The following MUC12 variants were observed in gnomAD, a reference collection of about 807,000 sequenced individuals.
The protein encoded by MUC12 is mucin-12.
In MUC12, 172 loss-of-function variants were observed where a neutral mutation model predicts 230.8. The observed-to-expected ratio is 0.75, with a 90% confidence interval of 0.66 to 0.85. The LOEUF (loss-of-function observed/expected upper bound fraction) is 0.85. Ranked by LOEUF, MUC12 falls within the 40% of genes least tolerant of loss-of-function variation. The pLI is 0.00. For missense variants in MUC12, 3,506 were observed against 5,920.6 expected (o/e 0.59, Z 13.38); for synonymous variants, 1,259 against 2,401.9 (o/e 0.52, Z 13.91).
In MUC12 at chr7:101,014,085, G is replaced by A. The variant is rs143066720; in HGVS notation, c.15800+11G>A. 1 of 1,526,362 alleles carries A rather than the reference G, an allele frequency of 6.6e-7. No individual in the cohort carries two copies. The highest frequency in any genetic ancestry group is 8.8e-7 in the Non-Finnish European group (1 of 1,140,698). 94.6% of individuals were successfully genotyped at this position (1,526,362 alleles called of 1,614,324 possible). A position where few individuals can be genotyped will look rare whatever the true frequency, so the allele number is the denominator to read the frequency against. ...GAGAAAACGGCACAGGTGAGCTTGTGAGGCCAGCACCGCAGGCCCACACAG... is the reference window on the plus strand; with the variant it reads ...GAGAAAACGGCACAGGTGAGCTTGTAAGGCCAGCACCGCAGGCCCACACAG... On this transcript the variant is annotated intron_variant, in intron 9 of 11. Transcript: ENST00000536621.
At chr7:100,989,603 AG>A (rs1793246616) in intron 1 of MUC12, among the ~76,000 whole-genome samples, 1 of 152,174 alleles carries the variant, frequency 6.6e-6, no homozygotes, top group Non-Finnish European at 1.5e-5. Flanking sequence ...TAGGGTGGAA[AG>A]AGCAGGCAAT....
intron 1 of MUC12, among the ~76,000 whole-genome samples, chr7:100,979,741 G>T (rs1027856491): frequency 6.6e-6 from 1 of 151,850 alleles, no homozygotes; most frequent in Non-Finnish European, 1.5e-5. Context: ...ACGCCACTGC[G>T]CTCCAGCCTG....
chr7:101,008,326 T>G (rs1387942770), intron 3 of MUC12, among the ~76,000 whole-genome samples: 1 of 151,812 alleles, frequency 6.6e-6, no homozygotes, highest in Non-Finnish European at 1.5e-5. Flanking sequence ...GGGTCTCACT[T>G]TGTTGCCCAG....
At chr7:100,969,731 G>A in intron 1 of MUC12, 42 bp downstream of exon 1, 2 of 1,537,234 alleles carry the variant, frequency 1.3e-6, no homozygotes, top group Non-Finnish European at 1.7e-6. Flanking sequence ...AGTGCTCCTG[G>A]GTGGTAATAG....
At chr7:101,005,727 C>T (rs1240113635) in intron 2 of MUC12, among the ~76,000 whole-genome samples, 1 of 152,248 alleles carries the variant, frequency 6.6e-6, no homozygotes, top group African/African-American at 2.4e-5. Flanking sequence ...ACAATCTCTC[C>T]TTCCTCTATG....
intron 1 of MUC12, among the ~76,000 whole-genome samples, chr7:100,990,187 C>A (rs973837471): frequency 6.6e-6 from 1 of 152,208 alleles, no homozygotes; most frequent in African/African-American, 2.4e-5. Context: ...GAGTAGCGGG[C>A]CAGCGAAGCT....
At chr7:101,012,592 C>T in intron 6 of MUC12, 145 bp downstream of exon 6, 2 of 1,074,026 alleles carry the variant, frequency 1.9e-6, no homozygotes, top group Non-Finnish European at 2.6e-6. Flanking sequence ...GTGCCTTCCC[C>T]AGATCCCAAA....
chr7:100,977,113 T>G (rs892228115), intron 1 of MUC12, among the ~76,000 whole-genome samples: 1 of 148,728 alleles, frequency 6.7e-6, no homozygotes, highest in African/African-American at 2.5e-5. Flanking sequence ...ATTCATCAGT[T>G]GGAGGAGTCA....
At chr7:100,973,932 C>A (rs1330734094) in intron 1 of MUC12, among the ~76,000 whole-genome samples, 1 of 151,880 alleles carries the variant, frequency 6.6e-6, no homozygotes, top group Non-Finnish European at 1.5e-5. Context: ...GCAGGAGGAT[C>A]CCTTAAGCCC....
chr7:101,016,518 T>C (rs1057136840), intron 10 of MUC12, among the ~76,000 whole-genome samples: 1 of 152,146 alleles, frequency 6.6e-6, no homozygotes, highest in East Asian at 1.9e-4. Context: ...TTTCATCATG[T>C]TGGCCAGGCT....
Position 100,970,779 on chromosome 7 carries a change from C to T in MUC12, c.67+1090C>T, listed in dbSNP as rs183166581. 1.2e-3 allele frequency among the ~76,000 whole-genome samples: 180 copies of T among 151,882 alleles called. 1 individual carries two copies. The highest frequency in any genetic ancestry group is 2.1e-3 in the Non-Finnish European group (145 of 67,912). On this transcript the variant is annotated intron_variant, in intron 1 of 11. Coordinates refer to ENST00000536621, the MANE Select transcript of MUC12 (RefSeq NM_001164462.2). ...TTGGGAGGCCGAGGTGGGCGGATCA[C>T]GAGGTCAGGAGATCGAGACCATCCT...
chr7:100,981,461 G>C, intron 1 of MUC12: 1 of 556,272 alleles, frequency 1.8e-6, no homozygotes. Flanking sequence ...CTCCCACTTA[G>C]TGAGCAGGCA....
At chr7:100,987,072 T>TG (rs943063487) in intron 1 of MUC12, among the ~76,000 whole-genome samples, 3 of 143,350 alleles carry the variant, frequency 2.1e-5, no homozygotes, top group Admixed American at 7.0e-5. Context: ...TTTTTTTTTT[T>TG]TTTTTTTTTT....
rs142967028 is a variant in MUC12, at chr7:100,977,330, T to G, written c.67+7641T>G. Among the ~76,000 whole-genome samples, 11 of 151,884 alleles carry G rather than the reference T, an allele frequency of 7.2e-5. No homozygotes were observed. In the East Asian group the frequency reaches 2.1e-3, roughly 30 times the overall value. ...GGTCATCATGAGTGCCACATTCCCT[T>G]CAAACTCTCTAGAGGAAGATCTCTC... On this transcript the variant is annotated intron_variant, in intron 1 of 11. Coordinates refer to ENST00000536621, the MANE Select transcript of MUC12 (RefSeq NM_001164462.2).
Position 100,991,957 on chromosome 7 carries a change from C to T in MUC12, c.1394C>T (p.Ser465Leu), listed in dbSNP as rs12533349. 18 of 1,537,820 alleles carry T rather than the reference C, an allele frequency of 1.2e-5. No homozygotes were observed. Among genetic ancestry groups the T allele is most frequent in the East Asian group, 4.9e-5 (2 of 40,940 alleles). The change falls in exon 2 of 12, where the codon TCG becomes TTG. Residue 465 changes from serine to leucine, a missense_variant. Transcript: ENST00000536621. Reference protein sequence around the residue: ...GSTPSVLVGDSTPSPISSGSM... With the variant: ...GSTPSVLVGDLTPSPISSGSM... ...ACACCCTCAGTTCTTGTTGGAGACT[C>T]GACGCCCTCACCCATCAGTTCAGGC...
chr7:100,986,086 T>A (rs1025455165), intron 1 of MUC12, among the ~76,000 whole-genome samples: 3 of 152,046 alleles, frequency 2.0e-5, no homozygotes, highest in Non-Finnish European at 1.5e-5. Flanking sequence ...ATGTGGCCGG[T>A]GTGTGCCTCA....
At position 101,002,895 on chromosome 7, in the gene MUC12, C is replaced by G. The variant is rs753496640; in HGVS notation, c.12332C>G (p.Pro4111Arg). 5.0e-6 allele frequency: 6 copies of G among 1,196,958 alleles called. No homozygotes were observed. The African/African-American group carries it at 9.0e-5, about 18-fold the overall frequency. The allele number at this position is 1,196,958 out of a possible 1,614,324, so 74.1% of individuals were successfully genotyped here. The change falls in exon 2 of 12, where the codon CCG (proline) becomes CGG (arginine). Residue 4111 changes from proline to arginine, a missense_variant. By Grantham distance (103) the Pro-to-Arg change is moderately radical. Transcript: ENST00000536621. ...GTATCCACAACCTACCACAGCCGCC[C>G]GAGCTCAACTCCAACAACACACTTT... ...VEVSTTYHSR[P>R]SSTPTTHFSA...
chr7:101,011,525 C>T (rs1793840024), intron 5 of MUC12, among the ~76,000 whole-genome samples: 1 of 152,110 alleles, frequency 6.6e-6, no homozygotes, highest in African/African-American at 2.4e-5. Context: ...GGGCTCAAGC[C>T]ATCCTCCTGA....
chr7:100,985,740 A>C (rs1331177740), intron 1 of MUC12, among the ~76,000 whole-genome samples: 1 of 152,158 alleles, frequency 6.6e-6, no homozygotes, highest in South Asian at 2.1e-4. Context: ...TGGCCTCTGG[A>C]CGAGACACAG....
Sources: allele counts gnomAD v4.1 joint callset (sites outside exome capture counted in the v4.1 genomes callset), GRCh38; gene constraint gnomAD v4.1.1; transcripts MANE v1.5; gene names NCBI Gene and HGNC (gene_info 2026-07-23, HGNC 2026-07-21).